Variants in ATF6 observed in about 807,000 individuals in gnomAD.
ATF6 encodes the protein cyclic AMP-dependent transcription factor ATF-6 alpha.
A neutral mutation model predicts 83.6 loss-of-function variants in ATF6; 53 were observed. That is an observed-to-expected ratio of 0.63 (90% CI 0.51 to 0.80). ATF6 has a LOEUF of 0.80. ATF6 is among the 30% of genes least tolerant of loss of function. ATF6 has a pLI of 0.00. For missense variants in ATF6, 744 were observed against 797.9 expected, an observed-to-expected ratio of 0.93 and a Z score of 0.81; for synonymous variants, 288 against 285.8, an observed-to-expected ratio of 1.01 and a Z score of -0.08.
chr1:161,890,595 C>T (rs572287039), intron 14 of ATF6, among the ~76,000 whole-genome samples: 2 of 152,330 alleles, frequency 1.3e-5, no homozygotes, highest in East Asian at 3.9e-4. Context: ...AGCCAGGCCG[C>T]CAGGTAGGTG....
At chr1:161,892,847 A>C (rs902125119) in intron 14 of ATF6, among the ~76,000 whole-genome samples, 2 of 152,292 alleles carry the variant, frequency 1.3e-5, no homozygotes, top group East Asian at 1.9e-4. Context: ...CATGTTGGCC[A>C]GGCTGGTCTC....
chr1:161,918,010 T>C (rs1688135991), intron 15 of ATF6, among the ~76,000 whole-genome samples: 1 of 152,182 alleles, frequency 6.6e-6, no homozygotes, highest in Non-Finnish European at 1.5e-5. Context: ...TAATTAATTA[T>C]ATTGTTAATT....
intron 15 of ATF6, among the ~76,000 whole-genome samples, chr1:161,943,441 A>G (rs1354292432): frequency 6.6e-6 from 1 of 152,078 alleles, no homozygotes; most frequent in Non-Finnish European, 1.5e-5. Flanking sequence ...TCCTTTATAA[A>G]TTACCCAGTC....
chr1:161,807,691 T>C (rs989384793), intron 7 of ATF6, among the ~76,000 whole-genome samples: 13 of 152,232 alleles, frequency 8.5e-5, no homozygotes, highest in African/African-American at 3.1e-4. Flanking sequence ...AAAATTTATC[T>C]TGAATAGCAG....
At chr1:161,862,453 T>A (rs1686905080) in intron 13 of ATF6, among the ~76,000 whole-genome samples, 1 of 152,204 alleles carries the variant, frequency 6.6e-6, no homozygotes, top group Admixed American at 6.5e-5. Flanking sequence ...ATTAGAATCA[T>A]TTGACTGTAT....
At chr1:161,793,526 T>A (rs964250643) in intron 6 of ATF6, among the ~76,000 whole-genome samples, 1 of 152,248 alleles carries the variant, frequency 6.6e-6, no homozygotes, top group African/African-American at 2.4e-5. Flanking sequence ...TGGATTATTC[T>A]AGGGATAGTC....
intron 6 of ATF6, among the ~76,000 whole-genome samples, chr1:161,793,738 A>C (rs1042911011): frequency 1.3e-5 from 2 of 152,234 alleles, no homozygotes; most frequent in Non-Finnish European, 2.9e-5. Context: ...TGTTTGAGTG[A>C]TGGAAGATCT....
chr1:161,900,884 A>G (rs1357036675), intron 14 of ATF6, among the ~76,000 whole-genome samples: 1 of 152,090 alleles, frequency 6.6e-6, no homozygotes, highest in Non-Finnish European at 1.5e-5. Context: ...AACTTTGATT[A>G]AAAAAAGTAT....
At chr1:161,944,374 T>C (rs977646862) in intron 15 of ATF6, among the ~76,000 whole-genome samples, 1 of 152,186 alleles carries the variant, frequency 6.6e-6, no homozygotes, top group Non-Finnish European at 1.5e-5. Flanking sequence ...AGATTCTTAA[T>C]GTCCACAATG....
At chr1:161,891,060 CT>C (rs1291834963) in intron 14 of ATF6, 1 of 152,248 alleles carries the variant, frequency 6.6e-6, no homozygotes, top group African/African-American at 2.4e-5. Context: ...GGTCTTGGAG[CT>C]GAATAGCCGA....
intron 14 of ATF6, among the ~76,000 whole-genome samples, chr1:161,901,245 A>G (rs1210380611): frequency 6.6e-6 from 1 of 152,188 alleles, no homozygotes; most frequent in South Asian, 2.1e-4. Context: ...GGTTTAGGGT[A>G]TGAATGATCC....
At chr1:161,844,648 A>G (rs1171046990) in intron 9 of ATF6, among the ~76,000 whole-genome samples, 1 of 152,110 alleles carries the variant, frequency 6.6e-6, no homozygotes, top group African/African-American at 2.4e-5. Flanking sequence ...AAAGTTCTTA[A>G]CTTTGATTTT....
At chr1:161,831,700 A>C (rs1686064859) in intron 9 of ATF6, among the ~76,000 whole-genome samples, 1 of 151,398 alleles carries the variant, frequency 6.6e-6, no homozygotes, top group African/African-American at 2.4e-5. Context: ...CAAGGACAAA[A>C]AACCAAACAC....
rs4040222 is a variant in ATF6, at chr1:161,812,784, CTG to C, written c.910-6817_910-6816del. On this transcript the variant is annotated intron_variant, in intron 7 of 15. Transcript: ENST00000367942. ...GATGGAAGTAATAATTTTGCCTCCT[CTG>C]TGTGTGTGTGTGTGTGTGTGTGTGT... Among the ~76,000 whole-genome samples the C allele has an allele frequency of 2.5e-3, 359 of 145,130 alleles. 2 individuals carry two copies. The highest frequency in any genetic ancestry group is 4.1e-3 in the East Asian group (20 of 4,906).
chr1:161,941,882 C>CCGCTA (rs1688652490), intron 15 of ATF6, among the ~76,000 whole-genome samples: 1 of 152,144 alleles, frequency 6.6e-6, no homozygotes. Flanking sequence ...TAGAGATCTG[C>CCGCTA]CGCTACGAGC....
intron 4 of ATF6, among the ~76,000 whole-genome samples, chr1:161,786,002 C>G (rs1411440776): frequency 6.7e-6 from 1 of 148,194 alleles, no homozygotes; most frequent in East Asian, 2.0e-4. Flanking sequence ...GATGAACTCT[C>G]TCTCTTGTCT....
intron 6 of ATF6, among the ~76,000 whole-genome samples, chr1:161,793,177 TGA>T (rs1326602137): frequency 2.6e-5 from 4 of 152,222 alleles, no homozygotes; most frequent in African/African-American, 9.6e-5. Flanking sequence ...ATAGTTTTAA[TGA>T]GGGTAAATTT....
intron 14 of ATF6, among the ~76,000 whole-genome samples, chr1:161,894,070 C>A (rs1687617070): frequency 6.6e-6 from 1 of 152,042 alleles, no homozygotes; most frequent in African/African-American, 2.4e-5. Flanking sequence ...GTGATTTTCC[C>A]CTTTCTTGCA....
At chr1:161,948,524 A>G (rs934238531) in intron 15 of ATF6, among the ~76,000 whole-genome samples, 6 of 152,234 alleles carry the variant, frequency 3.9e-5, no homozygotes, top group Non-Finnish European at 7.3e-5. Flanking sequence ...CTTTAAAAAA[A>G]TCCTACTGTT....
Sources: allele counts gnomAD v4.1 joint callset (sites outside exome capture counted in the v4.1 genomes callset), GRCh38; gene constraint gnomAD v4.1.1; transcripts MANE v1.5; gene names NCBI Gene and HGNC (gene_info 2026-07-23, HGNC 2026-07-21).